The following GPRIN3 variants were observed in gnomAD, a reference collection of about 807,000 sequenced individuals.
GPRIN3 encodes the protein GPRIN family member 3.
In GPRIN3, 12 loss-of-function variants were observed where a neutral mutation model predicts 13.7. That is an observed-to-expected ratio of 0.87 (90% CI 0.56 to 1.42). The LOEUF is 1.42. GPRIN3 is among the 40% of genes most tolerant of loss of function. GPRIN3 has a pLI of 0.00. For missense variants in GPRIN3, 1,009 were observed against 958.7 expected (o/e 1.05, Z -0.69); for synonymous variants, 377 against 372.7 (o/e 1.01, Z -0.13).
chr4:89,286,091 G>GTGTATATATATATATATA (rs1039903535), intron 1 of GPRIN3, among the ~76,000 whole-genome samples: 6 of 146,656 alleles, frequency 4.1e-5, no homozygotes, highest in East Asian at 4.0e-4. Context: ...ATGTGTGTGT[G>GTGTATATATATATATATA]TATATATATA....
At chr4:89,291,830 C>CTTTTT (rs33981386) in intron 1 of GPRIN3, among the ~76,000 whole-genome samples, 2 of 115,854 alleles carry the variant, frequency 1.7e-5, no homozygotes, top group Admixed American at 8.4e-5. Flanking sequence ...ACTGTCAGGG[C>CTTTTT]TTTTTTTTTT....
chr4:89,296,077 A>T (rs1724722964), intron 1 of GPRIN3, among the ~76,000 whole-genome samples: 1 of 152,144 alleles, frequency 6.6e-6, no homozygotes, highest in African/African-American at 2.4e-5. Context: ...ACTACGTAAG[A>T]TCCTCTCACA....
intron 1 of GPRIN3, among the ~76,000 whole-genome samples, chr4:89,259,236 A>AT (rs1256882737): frequency 6.6e-6 from 1 of 152,208 alleles, no homozygotes; most frequent in Non-Finnish European, 1.5e-5. Flanking sequence ...CAACAAAAAT[A>AT]TTTTTTAAAA....
chr4:89,258,433 T>C (rs887244853), intron 1 of GPRIN3, among the ~76,000 whole-genome samples: 1 of 152,056 alleles, frequency 6.6e-6, no homozygotes, highest in African/African-American at 2.4e-5. Context: ...GCCAGGATGG[T>C]CTCCATCTCC....
At position 89,250,304 on chromosome 4, in the gene GPRIN3, G is replaced by A. The variant is rs530824896; in HGVS notation, c.-123-71C>T. On this transcript the variant is annotated intron_variant, in intron 1 of 1. Transcript: ENST00000609438. The stretch of plus-strand genomic sequence containing the variant: ...GGATTGAAAAATAAACCAAACTGTC[G>A]TTTTTATAAGAGCACATTAAAAACT... The A allele has an allele frequency of 1.0e-4, 115 of 1,128,682 alleles. No homozygotes were observed. The East Asian group carries it at 2.4e-3, about 24-fold the overall frequency. 69.9% of individuals were successfully genotyped at this position (1,128,682 alleles called of 1,614,324 possible). A position where few individuals can be genotyped will look rare whatever the true frequency, so the allele number is the denominator to read the frequency against.
chr4:89,271,106 A>G (rs1373138879), intron 1 of GPRIN3, among the ~76,000 whole-genome samples: 1 of 152,186 alleles, frequency 6.6e-6, no homozygotes, highest in Non-Finnish European at 1.5e-5. Context: ...TATTTTGTTG[A>G]ATGTTACTAT....
At chr4:89,298,073 AT>A (rs1724793323) in intron 1 of GPRIN3, among the ~76,000 whole-genome samples, 1 of 152,108 alleles carries the variant, frequency 6.6e-6, no homozygotes, top group Non-Finnish European at 1.5e-5. Flanking sequence ...ATGTGTGGAT[AT>A]TTTCTTAAAT....
chr4:89,306,143 C>T (rs1241393836), intron 1 of GPRIN3, among the ~76,000 whole-genome samples: 2 of 151,980 alleles, frequency 1.3e-5, no homozygotes, highest in African/African-American at 4.8e-5. Context: ...CACAAAAACT[C>T]GAAAAAGAAC....
chr4:89,275,049 G>A (rs1283147604), intron 1 of GPRIN3, among the ~76,000 whole-genome samples: 1 of 152,166 alleles, frequency 6.6e-6, no homozygotes. Flanking sequence ...TTTAGGAGCT[G>A]TGGATGTGCC....
intron 1 of GPRIN3, among the ~76,000 whole-genome samples, chr4:89,275,401 T>C (rs4693989): frequency 0.5 from 75,686 of 151,984 alleles, 19,531 homozygotes; most frequent in African/African-American, 0.62. Flanking sequence ...TAGTACCCTG[T>C]CGAGAGCCAG....
chr4:89,292,851 C>A (rs1417273759), intron 1 of GPRIN3, among the ~76,000 whole-genome samples: 1 of 152,134 alleles, frequency 6.6e-6, no homozygotes, highest in Non-Finnish European at 1.5e-5. Context: ...TTCTGTAGCA[C>A]CTACAGAAAT....
Position 89,240,746 on chromosome 4 carries a change from A to T in GPRIN3, c.*7034T>A, listed in dbSNP as rs917807649. ...CATCTCATTCAATAATAATATTTGT[A>T]AAACAGAGCAGTCATGGAAATATGC... On this transcript the variant is annotated 3_prime_UTR_variant, in exon 2 of 2. Coordinates refer to ENST00000609438, the MANE Select transcript of GPRIN3 (RefSeq NM_198281.3). The T allele has an allele frequency of 6.6e-5, 10 of 152,300 alleles. No homozygotes were observed. Among genetic ancestry groups the T allele is most frequent in the South Asian group, 2.1e-4 (1 of 4,824 alleles). The allele number at this position is 152,300 out of a possible 1,614,324, so 9.4% of individuals were successfully genotyped here.
At chr4:89,255,574 T>TG (rs1394274240) in intron 1 of GPRIN3, among the ~76,000 whole-genome samples, 3 of 151,940 alleles carry the variant, frequency 2.0e-5, no homozygotes, top group East Asian at 3.9e-4. Flanking sequence ...AGGGTTGTGG[T>TG]GGGGGGCAGG....
chr4:89,250,114 A>G lies in GPRIN3; in HGVS notation c.-4T>C, dbSNP rs1460292232. On this transcript the variant is annotated 5_prime_UTR_variant, in exon 2 of 2. Transcript: ENST00000609438. ...GAGGGTCAGGTACAGTCCCCATGGA[A>G]TTTCTCTTCAGGAGCACTCCAGAGC... is the stretch of plus-strand genomic sequence containing the variant. 6.2e-7 allele frequency: 1 copy of G among 1,608,708 alleles called. No individual in the cohort carries two copies. The highest frequency in any genetic ancestry group is 8.5e-7 in the Non-Finnish European group (1 of 1,177,166).
At position 89,248,367 on chromosome 4, in the gene GPRIN3, G is replaced by T; in HGVS notation, c.1744C>A (p.Pro582Thr). 6.2e-7 allele frequency: 1 copy of T among 1,614,170 alleles called. No individual in the cohort carries two copies. Among genetic ancestry groups the T allele is most frequent in the Non-Finnish European group, 8.5e-7 (1 of 1,180,016 alleles). The change falls in exon 2 of 2, where the codon CCC (proline) becomes ACC (threonine). Residue 582 changes from proline (P) to threonine (T), a missense_variant. Physicochemically the swap from Pro to Thr is conservative, Grantham distance 38 (BLOSUM62 -1). Transcript: ENST00000609438. ...TCCTGGTTCTTCCTAATTGGGGAGG[G>T]TGTAGGATTAGCAGCTGATTCTGTG... The part of the protein sequence containing the change: ...GGTESAANPT[P>T]SPIRKNQEST...
chr4:89,302,859 T>C (rs751579389), intron 1 of GPRIN3, among the ~76,000 whole-genome samples: 1 of 152,196 alleles, frequency 6.6e-6, no homozygotes, highest in African/African-American at 2.4e-5. Flanking sequence ...CAAGTCATTT[T>C]TATTTTTTTA....
chr4:89,267,528 G>A (rs919538881), intron 1 of GPRIN3, among the ~76,000 whole-genome samples: 8 of 152,120 alleles, frequency 5.3e-5, no homozygotes, highest in African/African-American at 1.9e-4. Context: ...CCCTGACATG[G>A]AGGCACATGA....
intron 1 of GPRIN3, among the ~76,000 whole-genome samples, chr4:89,287,536 T>TA (rs1023141495): frequency 4.6e-5 from 7 of 152,142 alleles, no homozygotes; most frequent in African/African-American, 1.4e-4. Flanking sequence ...GGTACAGACT[T>TA]ACTGTGGTCC....
At position 89,248,930 on chromosome 4, in the gene GPRIN3, A is replaced by G. The variant is rs1325564538; in HGVS notation, c.1181T>C (p.Ile394Thr). 1.9e-6 allele frequency: 3 copies of G among 1,614,076 alleles called. No individual in the cohort carries two copies. Among genetic ancestry groups the G allele is most frequent in the Non-Finnish European group, 2.5e-6 (3 of 1,180,034 alleles). ...QCPGIMPQVHIQAAAAESTAF... is the reference protein window; with the variant it reads ...QCPGIMPQVHTQAAAAESTAF... ...TGTAGACTCAGCTGCAGCTGCCTGAATGTGCACCTGTGGCATGATGCCAGG... is the reference window on the plus strand; with the variant it reads ...TGTAGACTCAGCTGCAGCTGCCTGAGTGTGCACCTGTGGCATGATGCCAGG... Residue 394 changes from isoleucine (I) to threonine (T), a missense_variant, in exon 2 of 2, where the codon ATT becomes ACT. Ile to Thr is a moderately conservative substitution (Grantham distance 89, BLOSUM62 -1). Coordinates refer to ENST00000609438, the MANE Select transcript of GPRIN3 (RefSeq NM_198281.3).
Sources: gnomAD v4.1 joint callset for allele counts (sites outside exome capture counted in the v4.1 genomes callset) on GRCh38, gnomAD v4.1.1 for gene constraint, MANE v1.5 for transcripts, NCBI Gene and HGNC (gene_info 2026-07-23, HGNC 2026-07-21) for gene names.